Variants in LRP1B observed in about 807,000 individuals in gnomAD.
The protein encoded by LRP1B is LDL receptor related protein 1B.
LRP1B carries 217 observed loss-of-function variants against 556.6 expected under a neutral mutation model. The observed-to-expected ratio is 0.39, with a 90% CI of 0.35 to 0.44. The LOEUF is 0.44. Among genes scored for constraint, LRP1B ranks in the 20% least tolerant of loss-of-function variants. The pLI, the probability that LRP1B is intolerant of heterozygous loss-of-function variation, is 1.00. For missense variants in LRP1B, 5,053 were observed against 5,620.8 expected, an observed-to-expected ratio of 0.90 and a Z score of 3.23; for synonymous variants, 2,047 against 1,865.8, an observed-to-expected ratio of 1.10 and a Z score of -2.50.
chr2:141,747,434 A>G (rs931791078), intron 2 of LRP1B, among the ~76,000 whole-genome samples: 1 of 152,224 alleles, frequency 6.6e-6, no homozygotes, highest in Middle Eastern at 3.2e-3. Flanking sequence ...AGTAAACTGT[A>G]CATGTGACTA....
At chr2:140,659,499 G>T (rs753824890) in intron 41 of LRP1B, among the ~76,000 whole-genome samples, 9 of 152,000 alleles carry the variant, frequency 5.9e-5, no homozygotes, top group Non-Finnish European at 1.3e-4. Context: ...ATGTTTAACA[G>T]TTACCAAGAT....
chr2:142,103,714 T>C (rs560272824), intron 1 of LRP1B, among the ~76,000 whole-genome samples: 34 of 151,832 alleles, frequency 2.2e-4, no homozygotes, highest in African/African-American at 8.2e-4. Flanking sequence ...GACCCAATGA[T>C]TTTTCATGAA....
chr2:141,693,611 G>A (rs564583728), intron 2 of LRP1B, among the ~76,000 whole-genome samples: 5 of 152,054 alleles, frequency 3.3e-5, no homozygotes, highest in Non-Finnish European at 7.4e-5. Flanking sequence ...ATGGCCTCCA[G>A]TAGCACAGTG....
intron 32 of LRP1B, among the ~76,000 whole-genome samples, chr2:140,804,092 GACA>G (rs1690625821): frequency 6.6e-6 from 1 of 151,668 alleles, no homozygotes; most frequent in Non-Finnish European, 1.5e-5. Context: ...ATCTGCACTT[GACA>G]ACATGTAAAG....
At chr2:141,266,479 G>C (rs1684894627) in intron 3 of LRP1B, among the ~76,000 whole-genome samples, 1 of 151,786 alleles carries the variant, frequency 6.6e-6, no homozygotes, top group South Asian at 2.1e-4. Flanking sequence ...ATGCCACTAG[G>C]TATGCTTTGA....
At chr2:141,810,047 A>T (rs10496901) in intron 2 of LRP1B, among the ~76,000 whole-genome samples, 16,151 of 149,372 alleles carry the variant, frequency 0.11, 1,116 homozygotes, top group African/African-American at 0.19. Context: ...ACTCATATTT[A>T]AAAAAAAACA....
chr2:141,689,043 T>C (rs768378371), intron 2 of LRP1B, among the ~76,000 whole-genome samples: 1 of 151,874 alleles, frequency 6.6e-6, no homozygotes, highest in Non-Finnish European at 1.5e-5. Flanking sequence ...TAAAGTGCTG[T>C]CTCTCCCTCT....
chr2:140,760,373 T>C (rs1223679277), intron 35 of LRP1B, among the ~76,000 whole-genome samples: 1 of 152,144 alleles, frequency 6.6e-6, no homozygotes, highest in Non-Finnish European at 1.5e-5. Context: ...CAGATACCAA[T>C]ATGACAACTA....
intron 17 of LRP1B, among the ~76,000 whole-genome samples, chr2:140,987,533 C>G (rs1573954872): frequency 1.3e-5 from 2 of 152,020 alleles, no homozygotes; most frequent in Non-Finnish European, 2.9e-5. Flanking sequence ...CTTTAAAAAC[C>G]ATGTAGAAAC....
intron 60 of LRP1B, among the ~76,000 whole-genome samples, chr2:140,464,600 G>T (rs1687465503): frequency 6.6e-6 from 1 of 152,186 alleles, no homozygotes; most frequent in Admixed American, 6.5e-5. Context: ...TCTCTAACCT[G>T]TGAAGTAAAC....
chr2:141,361,633 T>C (rs998369972), intron 3 of LRP1B, among the ~76,000 whole-genome samples: 1 of 152,220 alleles, frequency 6.6e-6, no homozygotes, highest in Non-Finnish European at 1.5e-5. Flanking sequence ...TTCTTTTAAC[T>C]GATTAGTTCA....
chr2:141,100,830 G>A (rs1700442436), intron 7 of LRP1B, among the ~76,000 whole-genome samples: 1 of 152,010 alleles, frequency 6.6e-6, no homozygotes, highest in Non-Finnish European at 1.5e-5. Context: ...AGATAGCTAA[G>A]ACAGAAGGCC....
chr2:142,110,336 TA>T (rs1275541706), intron 1 of LRP1B, among the ~76,000 whole-genome samples: 1 of 152,076 alleles, frequency 6.6e-6, no homozygotes, highest in Admixed American at 6.6e-5. Context: ...TTTTAACTGA[TA>T]AAATTTAAAA....
chr2:141,229,899 C>T (rs1396153043), intron 5 of LRP1B, among the ~76,000 whole-genome samples: 1 of 152,148 alleles, frequency 6.6e-6, no homozygotes, highest in Non-Finnish European at 1.5e-5. Flanking sequence ...AAAGAGTGCA[C>T]CTGTGACTTT....
chr2:140,754,184 T>C (rs6760907), intron 35 of LRP1B, among the ~76,000 whole-genome samples: 1,919 of 152,248 alleles, frequency 0.013, 36 homozygotes, highest in African/African-American at 0.044. Flanking sequence ...TCAAAAACAA[T>C]GGAGATTTTT....
chr2:141,964,488 A>G (rs966777251), intron 1 of LRP1B, among the ~76,000 whole-genome samples: 3 of 151,086 alleles, frequency 2.0e-5, no homozygotes, highest in Admixed American at 6.6e-5. Context: ...AAAACAAGCA[A>G]TGGGGAAAGG....
chr2:141,210,587 T>A (rs1682499737), intron 6 of LRP1B, among the ~76,000 whole-genome samples: 3 of 152,174 alleles, frequency 2.0e-5, no homozygotes, highest in African/African-American at 4.8e-5. Context: ...ATGAACCTGA[T>A]AAATTTCATG....
rs2105362694 is a variant in LRP1B at position 140,485,397 on chromosome 2, A to T, written c.9371T>A (p.Leu3124His). 6.2e-7 allele frequency: 1 copy of T among 1,613,270 alleles called. No individual in the cohort carries two copies. The highest frequency in any genetic ancestry group is 8.5e-7 in the Non-Finnish European group (1 of 1,179,588). The change falls in exon 59 of 91, where the codon CTC becomes CAC. Residue 3124 changes from leucine (L) to histidine (H), a missense_variant. Transcript: ENST00000389484. ...GGGAAACTTCAGCCTTTTGCTAACG[A>T]GTATAGTAGGGTACAAGCCATTGAG... is the stretch of plus-strand genomic sequence containing the variant. The part of the protein sequence containing the change: ...SKLNGLYPTI[L>H]VSKRLKFPRD...
intron 2 of LRP1B, among the ~76,000 whole-genome samples, chr2:141,500,411 T>C (rs1684420696): frequency 6.6e-6 from 1 of 152,120 alleles, no homozygotes; most frequent in Non-Finnish European, 1.5e-5. Context: ...CTGTGTTTTG[T>C]CACTTTAATT....
Sources: gnomAD v4.1 joint callset for allele counts (sites outside exome capture counted in the v4.1 genomes callset) on GRCh38, gnomAD v4.1.1 for gene constraint, MANE v1.5 for transcripts, NCBI Gene and HGNC (gene_info 2026-07-23, HGNC 2026-07-21) for gene names.